Variants in KHDRBS2 observed in about 807,000 individuals in gnomAD.
The protein encoded by KHDRBS2 is KH RNA binding domain containing, signal transduction associated 2.
Under a neutral mutation model 44.3 loss-of-function variants are expected in KHDRBS2, and 26 were observed. That is an observed-to-expected ratio of 0.59 (90% CI 0.43 to 0.81). The LOEUF is 0.81. Ranked by LOEUF, KHDRBS2 falls within the 40% of genes least tolerant of loss-of-function variation. The pLI is 0.00. For synonymous variants in KHDRBS2, 194 were observed against 151.1 expected (o/e 1.28, Z -2.08); for missense variants, 476 against 433.1 (o/e 1.10, Z -0.88).
intron 3 of KHDRBS2, among the ~76,000 whole-genome samples, chr6:62,001,972 G>A (rs760028447): frequency 6.6e-6 from 1 of 152,060 alleles, no homozygotes; most frequent in Non-Finnish European, 1.5e-5. Flanking sequence ...GTAGATCAAA[G>A]GGAAAATTAA....
chr6:61,586,506 T>A, the KHDRBS2 span, among the ~76,000 whole-genome samples: 1 of 152,150 alleles, frequency 6.6e-6, no homozygotes, highest in Non-Finnish European at 1.5e-5. Flanking sequence ...TGTCCAAGAC[T>A]TTTGTGTTAA....
the KHDRBS2 span, among the ~76,000 whole-genome samples, chr6:61,601,138 T>C: frequency 0.17 from 26,082 of 152,132 alleles, 2,477 homozygotes; most frequent in East Asian, 0.29. Context: ...CTCACCCACA[T>C]TGCAGCCCAG....
chr6:61,834,482 TTTTC>T (rs1792338332), intron 6 of KHDRBS2, among the ~76,000 whole-genome samples: 1 of 152,064 alleles, frequency 6.6e-6, no homozygotes, highest in Non-Finnish European at 1.5e-5. Flanking sequence ...TCTGGTTTAA[TTTTC>T]TTTATCATAA....
At chr6:61,559,500 G>T in the KHDRBS2 span, among the ~76,000 whole-genome samples, 32,133 of 151,494 alleles carry the variant, frequency 0.21, 3,642 homozygotes, top group East Asian at 0.29. Flanking sequence ...TCTTCTTTCT[G>T]GTCTTCATTT....
downstream of KHDRBS2, among the ~76,000 whole-genome samples, chr6:61,675,822 T>C (rs1765898463): frequency 6.6e-6 from 1 of 151,868 alleles, no homozygotes; most frequent in Non-Finnish European, 1.5e-5. Flanking sequence ...ATTTGATTTT[T>C]CAGTGAGGTT....
At chr6:61,803,572 G>C (rs1786636712) in intron 6 of KHDRBS2, among the ~76,000 whole-genome samples, 1 of 152,006 alleles carries the variant, frequency 6.6e-6, no homozygotes, top group African/African-American at 2.4e-5. Flanking sequence ...GCAGTGTATT[G>C]GTCCATTCTC....
intron 6 of KHDRBS2, among the ~76,000 whole-genome samples, chr6:61,748,580 A>AT (rs1281184603): frequency 1.3e-5 from 2 of 152,194 alleles, no homozygotes; most frequent in East Asian, 3.8e-4. Context: ...ATTAATAAAC[A>AT]TTTTTATATA....
intron 2 of KHDRBS2, among the ~76,000 whole-genome samples, chr6:62,065,209 G>A (rs912150237): frequency 2.3e-4 from 35 of 152,090 alleles, no homozygotes; most frequent in African/African-American, 8.2e-4. Flanking sequence ...TTCAACCATT[G>A]TGGAAGTCAG....
the KHDRBS2 span, among the ~76,000 whole-genome samples, chr6:61,619,174 T>C: frequency 1.3e-5 from 2 of 152,126 alleles, no homozygotes; most frequent in African/African-American, 4.8e-5. Context: ...TATGGATGAA[T>C]TATATAGTGG....
At chr6:61,933,261 G>C (rs1365351569) in intron 4 of KHDRBS2, among the ~76,000 whole-genome samples, 1 of 152,074 alleles carries the variant, frequency 6.6e-6, no homozygotes. Flanking sequence ...CAGTCAGGGG[G>C]AAATCTGCCC....
rs768145851 is a variant in KHDRBS2 at position 61,894,809 on chromosome 6, A to G, written c.636T>C (p.Pro212=). ...GAACACCTCGTCCAGGTGGTGGGGG[A>G]GGAGGAATGGCACCCCCACGGCCCC... ...PSRGRGGAIP[P]PPPPGRGVLT... is the part of the protein sequence containing the mutation. The change falls in exon 6 of 9, where the codon CCT becomes CCC. Residue 212 remains proline, a synonymous_variant. Transcript: ENST00000281156. 6.2e-6 allele frequency: 10 copies of G among 1,611,624 alleles called. No homozygotes were observed. The highest frequency in any genetic ancestry group is 2.7e-5 in the African/African-American group (2 of 74,782).
chr6:62,275,812 C>T (rs1478296670), intron 1 of KHDRBS2, among the ~76,000 whole-genome samples: 3 of 152,070 alleles, frequency 2.0e-5, no homozygotes, highest in Non-Finnish European at 2.9e-5. Flanking sequence ...TGATTTATTG[C>T]TTTTTAAAAA....
At chr6:61,864,714 T>C (rs1287484917) in intron 6 of KHDRBS2, among the ~76,000 whole-genome samples, 1 of 152,144 alleles carries the variant, frequency 6.6e-6, no homozygotes, top group Non-Finnish European at 1.5e-5. Context: ...TCATTTCATC[T>C]TTGGAGAATC....
chr6:62,170,168 C>T (rs1399298477), intron 2 of KHDRBS2, among the ~76,000 whole-genome samples: 1 of 152,010 alleles, frequency 6.6e-6, no homozygotes, highest in Non-Finnish European at 1.5e-5. Context: ...CACCCACTCC[C>T]ACAGCACCTA....
chr6:61,694,166 A>T (rs548345176), intron 8 of KHDRBS2, among the ~76,000 whole-genome samples: 1 of 152,300 alleles, frequency 6.6e-6, no homozygotes, highest in South Asian at 2.1e-4. Context: ...CTACTTACAA[A>T]TAATAATATG....
intron 6 of KHDRBS2, among the ~76,000 whole-genome samples, chr6:61,766,885 G>T (rs1252499489): frequency 2.0e-5 from 3 of 151,798 alleles, no homozygotes; most frequent in Non-Finnish European, 2.9e-5. Flanking sequence ...CTAATATATG[G>T]CCTGTCTTTA....
At chr6:62,111,462 G>A (rs916368282) in intron 2 of KHDRBS2, among the ~76,000 whole-genome samples, 2 of 152,044 alleles carry the variant, frequency 1.3e-5, no homozygotes, top group African/African-American at 4.8e-5. Context: ...TGTCTAACAA[G>A]TATTCTGTGG....
At chr6:61,837,097 C>A (rs1792812972) in intron 6 of KHDRBS2, among the ~76,000 whole-genome samples, 1 of 151,692 alleles carries the variant, frequency 6.6e-6, no homozygotes. Flanking sequence ...GTGTGGAGAA[C>A]CATTTTGGGT....
the KHDRBS2 span, among the ~76,000 whole-genome samples, chr6:61,585,095 G>T: frequency 6.6e-6 from 1 of 151,792 alleles, no homozygotes; most frequent in Non-Finnish European, 1.5e-5. Context: ...GAAAAGAGCT[G>T]CAGCAAAACA....
Sources: allele counts gnomAD v4.1 joint callset (sites outside exome capture counted in the v4.1 genomes callset), GRCh38; gene constraint gnomAD v4.1.1; transcripts MANE v1.5; gene names NCBI Gene and HGNC (gene_info 2026-07-23, HGNC 2026-07-21).